RBFOX1: variants seen among roughly 807,000 people sequenced by gnomAD.
RBFOX1 encodes the protein RNA binding protein fox-1 homolog 1.
In RBFOX1, 8 loss-of-function variants were observed where a neutral mutation model predicts 57.7. The observed-to-expected ratio is 0.14, with a 90% CI of 0.08 to 0.25. The LOEUF (loss-of-function observed/expected upper bound fraction) is 0.25. Among genes scored for constraint, RBFOX1 ranks in the 10% least tolerant of loss-of-function variants. The probability of loss-of-function intolerance (pLI) is 1.00; values close to 1 mark genes in which losing one functional copy is unlikely to be tolerated. For missense variants in RBFOX1, 611 were observed against 548.5 expected (o/e 1.11, Z -1.14); for synonymous variants, 326 against 222.4 (o/e 1.47, Z -4.15).
intron 3 of RBFOX1, among the ~76,000 whole-genome samples, chr16:6,870,274 C>A (rs76985740): frequency 6.6e-6 from 1 of 152,040 alleles, no homozygotes; most frequent in Non-Finnish European, 1.5e-5. Context: ...CCTTTGGTCG[C>A]TTGAAAAAAT....
At chr16:7,063,002 A>G (rs2054955049) in intron 4 of RBFOX1, among the ~76,000 whole-genome samples, 1 of 141,808 alleles carries the variant, frequency 7.1e-6, no homozygotes, top group African/African-American at 2.7e-5. Context: ...GAAATGTGCT[A>G]AACTTGGAGA....
chr16:6,696,211 T>C (rs1418675944), intron 3 of RBFOX1, among the ~76,000 whole-genome samples: 1 of 152,244 alleles, frequency 6.6e-6, no homozygotes, highest in South Asian at 2.1e-4. Context: ...ATAAATATGC[T>C]TAAATTGAGG....
At chr16:6,020,907 A>C (rs1226183472) in intron 1 of RBFOX1, among the ~76,000 whole-genome samples, 7 of 152,172 alleles carry the variant, frequency 4.6e-5, no homozygotes, top group Admixed American at 3.9e-4. Flanking sequence ...ACCCCGATCT[A>C]ACCTTGTCCT....
At chr16:7,390,877 G>A (rs890861599) in intron 4 of RBFOX1, among the ~76,000 whole-genome samples, 3 of 152,106 alleles carry the variant, frequency 2.0e-5, no homozygotes, top group African/African-American at 7.2e-5. Flanking sequence ...GATATGGAGA[G>A]TTGGGAATGT....
At chr16:6,597,235 A>G (rs2097785200) in intron 2 of RBFOX1, among the ~76,000 whole-genome samples, 1 of 152,172 alleles carries the variant, frequency 6.6e-6, no homozygotes, top group Non-Finnish European at 1.5e-5. Context: ...GTGGAGAAGT[A>G]GTTGGGTGCG....
chr16:5,283,064 G>C (rs1376885026), intron 1 of RBFOX1, among the ~76,000 whole-genome samples: 3 of 152,164 alleles, frequency 2.0e-5, no homozygotes, highest in African/African-American at 4.8e-5. Flanking sequence ...CAGCTAAAAG[G>C]AGCCAAGATA....
At position 5,497,622 on chromosome 16, in the gene RBFOX1, C is replaced by CAAAAAAAAAAAAAAAA. The variant is rs911723996; in HGVS notation, c.258+30369_258+30384dup. ...TGAAACCCTATCTCTACTAAAAATA[C>CAAAAAAAAAAAAAAAA]AAAAAAAAAAAAAAAAGCTGGGCAT... On this transcript the variant is annotated intron_variant, in intron 2 of 2. Coordinates refer to the RBFOX1 transcript ENST00000585867. 2.3e-3 allele frequency among the ~76,000 whole-genome samples: 123 copies of CAAAAAAAAAAAAAAAA among 53,386 alleles called. 4 individuals are homozygous for CAAAAAAAAAAAAAAAA. Among genetic ancestry groups the CAAAAAAAAAAAAAAAA allele is most frequent in the African/African-American group, 0.012 (111 of 8,998 alleles). 35.0% of individuals were successfully genotyped at this position (53,386 alleles called of 152,430 possible).
intron 4 of RBFOX1, among the ~76,000 whole-genome samples, chr16:7,195,963 C>G (rs2086597997): frequency 6.6e-6 from 1 of 152,042 alleles, no homozygotes; most frequent in South Asian, 2.1e-4. Context: ...TACTGCCACA[C>G]TGCTATTTGT....
At chr16:7,253,277 G>T (rs1162747104) in intron 4 of RBFOX1, among the ~76,000 whole-genome samples, 1 of 152,178 alleles carries the variant, frequency 6.6e-6, no homozygotes, top group Admixed American at 6.5e-5. Flanking sequence ...AAATCATTCT[G>T]TCAGTTCTGT....
chr16:7,108,986 G>C (rs531384808), intron 4 of RBFOX1, among the ~76,000 whole-genome samples: 1 of 152,266 alleles, frequency 6.6e-6, no homozygotes, highest in Non-Finnish European at 1.5e-5. Flanking sequence ...ATGTGTGGTA[G>C]GTTTGCATTT....
intron 3 of RBFOX1, among the ~76,000 whole-genome samples, chr16:6,734,200 C>G (rs763972496): frequency 2.0e-5 from 3 of 152,146 alleles, no homozygotes; most frequent in Non-Finnish European, 4.4e-5. Flanking sequence ...CCGTGCAGCT[C>G]TGCAATTGTA....
At chr16:6,232,511 G>A (rs1165614217) in intron 1 of RBFOX1, among the ~76,000 whole-genome samples, 2 of 152,170 alleles carry the variant, frequency 1.3e-5, no homozygotes, top group Admixed American at 1.3e-4. Flanking sequence ...TCTGTTATGT[G>A]TGATCGTTTC....
chr16:6,588,545 T>C (rs1436978321), intron 2 of RBFOX1, among the ~76,000 whole-genome samples: 1 of 150,608 alleles, frequency 6.6e-6, no homozygotes, highest in Non-Finnish European at 1.5e-5. Context: ...TCAGCTACTC[T>C]GGAGGCTGAG....
At chr16:5,603,504 C>T (rs993485261), downstream of RBFOX1, among the ~76,000 whole-genome samples, 9 of 152,110 alleles carry the variant, frequency 5.9e-5, no homozygotes, top group African/African-American at 2.2e-4. Flanking sequence ...TTTCTGGGAA[C>T]CTGTGTCTTA....
chr16:6,944,397 G>GAAAA (rs199499186), intron 3 of RBFOX1, among the ~76,000 whole-genome samples: 5 of 105,968 alleles, frequency 4.7e-5, no homozygotes, highest in Non-Finnish European at 3.8e-5. Flanking sequence ...CCATCTCAGA[G>GAAAA]AAAAAAAAAA....
chr16:5,627,042 A>G (rs902338722), intron 3 of RBFOX1, among the ~76,000 whole-genome samples: 21 of 152,210 alleles, frequency 1.4e-4, no homozygotes, highest in African/African-American at 5.1e-4. Context: ...TTTTATGTGA[A>G]TTAGACATCC....
chr16:7,317,122 T>C (rs1467639676), intron 4 of RBFOX1, among the ~76,000 whole-genome samples: 1 of 151,922 alleles, frequency 6.6e-6, no homozygotes, highest in Non-Finnish European at 1.5e-5. Context: ...GGGTGTCAAG[T>C]AGGAAGTCAC....
intron 3 of RBFOX1, among the ~76,000 whole-genome samples, chr16:7,032,936 G>C (rs1386576770): frequency 1.3e-5 from 2 of 152,198 alleles, no homozygotes; most frequent in Non-Finnish European, 2.9e-5. Context: ...TGGCTGGTGG[G>C]AGAACAGCTT....
intron 1 of RBFOX1, among the ~76,000 whole-genome samples, chr16:6,206,389 A>G (rs1373955099): frequency 6.6e-6 from 1 of 152,114 alleles, no homozygotes; most frequent in Non-Finnish European, 1.5e-5. Context: ...GCTCTGCTCC[A>G]GTTGTTCTCA....
Sources: allele counts gnomAD v4.1 joint callset (sites outside exome capture counted in the v4.1 genomes callset), GRCh38; gene constraint gnomAD v4.1.1; transcripts MANE v1.5; gene names NCBI Gene and HGNC (gene_info 2026-07-23, HGNC 2026-07-21).